ZDHHC6: variants seen among roughly 807,000 people sequenced by gnomAD.
The protein encoded by ZDHHC6 is zDHHC palmitoyltransferase 6.
ZDHHC6 carries 32 observed loss-of-function variants against 57.8 expected under a neutral mutation model. The observed-to-expected ratio is 0.55, with a 90% confidence interval of 0.42 to 0.74. The LOEUF (loss-of-function observed/expected upper bound fraction) is 0.74, where lower values mean the gene tolerates loss of function less well. Ranked by LOEUF, ZDHHC6 falls within the 30% of genes least tolerant of loss-of-function variation. ZDHHC6 has a pLI of 0.00. For missense variants in ZDHHC6, 433 were observed against 500.7 expected, an observed-to-expected ratio of 0.86 and a Z score of 1.29; for synonymous variants, 128 against 158.0, an observed-to-expected ratio of 0.81 and a Z score of 1.42.
chr10:112,426,395 T>A, downstream of ZDHHC6: 1 of 1,573,062 alleles, frequency 6.4e-7, no homozygotes, highest in South Asian at 1.1e-5. Context: ...TGCACACCCA[T>A]GGGCCCATCG....
At position 112,433,276 on chromosome 10, in the gene ZDHHC6, TTCTA is replaced by T. The variant is rs781288541; in HGVS notation, c.905_908del (p.Ile302AsnfsTer3). The stretch of plus-strand genomic sequence containing the variant: ...TCTTATCTGCTTTTTGTTTCAACTG[TTCTA>T]TCTGTTTGGAAGAAATAAAAAGAAA... On this transcript the variant is annotated frameshift_variant and splice_region_variant, in exon 8 of 11. Transcript: ENST00000369405. LOFTEE classifies it high-confidence loss of function. 1.4e-5 allele frequency: 22 copies of T among 1,577,764 alleles called. No individual in the cohort carries two copies. Among genetic ancestry groups the T allele is most frequent in the South Asian group, 4.8e-5 (4 of 84,154 alleles).
rs757796332 is a variant in ZDHHC6, at chr10:112,439,669, A to AAAAAAAAT, written c.681+864_681+865insATTTTTTT. On this transcript the variant is annotated intron_variant, in intron 5 of 10. Coordinates refer to ENST00000369405, the MANE Select transcript of ZDHHC6 (RefSeq NM_022494.3). ...AAAAAAAAAAAAAAAAAAAAAAAAA[A>AAAAAAAAT]GAATGAAAAAGAATGGTTTTTGGTC... is the stretch of plus-strand genomic sequence containing the variant. 1.7e-4 allele frequency among the ~76,000 whole-genome samples: 18 copies of AAAAAAAAT among 108,610 alleles called. 3 individuals are homozygous for AAAAAAAAT. The South Asian group carries it at 1.9e-3, about 11-fold the overall frequency. The allele number at this position is 108,610 out of a possible 152,430, so 71.3% of individuals were successfully genotyped here. A position where few individuals can be genotyped will look rare whatever the true frequency, so the allele number is the denominator to read the frequency against.
At chr10:112,446,974 A>G, upstream of ZDHHC6, 1 of 238,646 alleles carries the variant, frequency 4.2e-6, no homozygotes, top group Non-Finnish European at 8.6e-6. Flanking sequence ...CGCCGCCTCA[A>G]ACCTCCCTCC....
chr10:112,426,523 C>G (rs1844723631), downstream of ZDHHC6: 2 of 635,018 alleles, frequency 3.1e-6, no homozygotes, highest in Non-Finnish European at 5.5e-6. Context: ...ATAAAACTCT[C>G]TTTTCTATTT....
chr10:112,426,691 T>C, downstream of ZDHHC6: 1 of 1,057,952 alleles, frequency 9.5e-7, no homozygotes. Flanking sequence ...CCTGCTTTCA[T>C]ACTGCATGGC....
intron 3 of ZDHHC6, 94 bp from the exon 4 acceptor site, chr10:112,442,445 G>T: frequency 8.2e-7 from 1 of 1,225,548 alleles, no homozygotes; most frequent in African/African-American, 1.5e-5. Context: ...TAGGAATCCA[G>T]CATGTCCATG....
downstream of ZDHHC6, among the ~76,000 whole-genome samples, chr10:112,429,968 G>C (rs186215097): frequency 5.0e-4 from 32 of 63,918 alleles, no homozygotes; most frequent in African/African-American, 9.4e-4. Flanking sequence ...GCAGTTGTTG[G>C]GGGGGGGGTG....
intron 7 of ZDHHC6, 88 bp from the exon 8 acceptor site, chr10:112,433,369 T>C: frequency 1.9e-6 from 2 of 1,057,358 alleles, no homozygotes; most frequent in African/African-American, 1.6e-5. Context: ...CAGAGTGATA[T>C]GGCAAAACCC....
chr10:112,436,581 A>G (rs1439914174), intron 6 of ZDHHC6, among the ~76,000 whole-genome samples: 2 of 152,254 alleles, frequency 1.3e-5, no homozygotes, highest in East Asian at 1.9e-4. Context: ...TTTATAGATC[A>G]CTTTGAGTAT....
At chr10:112,442,441 T>C (rs958826567) in intron 3 of ZDHHC6, 90 bp from the exon 4 acceptor site, 3 of 1,254,400 alleles carry the variant, frequency 2.4e-6, no homozygotes, top group Non-Finnish European at 3.3e-6. Context: ...CAAATAGGAA[T>C]CCAGCATGTC....
At chr10:112,441,679 C>A (rs550817372) in intron 4 of ZDHHC6, among the ~76,000 whole-genome samples, 1 of 152,302 alleles carries the variant, frequency 6.6e-6, no homozygotes, top group East Asian at 1.9e-4. Flanking sequence ...ACTTTCAAGG[C>A]CTGTTTAGGG....
upstream of ZDHHC6, chr10:112,447,269 T>A: frequency 7.9e-7 from 1 of 1,268,064 alleles, no homozygotes; most frequent in African/African-American, 1.5e-5. Flanking sequence ...CGTTCTGCTC[T>A]CGGGGGCACC....
At chr10:112,437,137 G>C (rs1018137258) in intron 6 of ZDHHC6, among the ~76,000 whole-genome samples, 2 of 150,778 alleles carry the variant, frequency 1.3e-5, no homozygotes, top group Admixed American at 6.6e-5. Flanking sequence ...ATGTATACTA[G>C]AATTACAAAA....
chr10:112,429,596 GCTTT>G (rs1179077769), downstream of ZDHHC6, among the ~76,000 whole-genome samples: 2 of 152,154 alleles, frequency 1.3e-5, no homozygotes, highest in Non-Finnish European at 2.9e-5. Flanking sequence ...AGAGAAATAG[GCTTT>G]CTCTTTCCTT....
upstream of ZDHHC6, chr10:112,447,102 T>TG: frequency 8.4e-6 from 4 of 475,682 alleles, no homozygotes; most frequent in Non-Finnish European, 1.6e-5. Flanking sequence ...TACGCTTTTC[T>TG]GGGGGGAGGC....
downstream of ZDHHC6, chr10:112,425,539 G>C: frequency 7.2e-7 from 1 of 1,389,064 alleles, no homozygotes; most frequent in Non-Finnish European, 9.6e-7. Flanking sequence ...GGTTCTTGTA[G>C]CTACAGGAAA....
chr10:112,433,403 C>A, intron 7 of ZDHHC6, 122 bp from the exon 8 acceptor site: 1 of 757,334 alleles, frequency 1.3e-6, no homozygotes, highest in African/African-American at 1.8e-5. Flanking sequence ...TTTCAAGTTG[C>A]TGATAATTTA....
At chr10:112,447,252 G>A, upstream of ZDHHC6, 1 of 1,042,036 alleles carries the variant, frequency 9.6e-7, no homozygotes, top group Admixed American at 2.3e-5. Flanking sequence ...AGCTGTCCCC[G>A]GTTCTCCGTT....
Position 112,442,199 on chromosome 10 carries a change from T to C in ZDHHC6, c.512A>G (p.Tyr171Cys). The change falls in exon 4 of 11, where the codon TAT (tyrosine) becomes TGT (cysteine). Residue 171 changes from tyrosine (Y) to cysteine (C), a missense_variant. Coordinates refer to ENST00000369405, the MANE Select transcript of ZDHHC6 (RefSeq NM_022494.3). The stretch of plus-strand genomic sequence containing the variant: ...ATTTTCATTTTCACTTACCCGATGA[T>C]AAAGCTGTGTGTACATAGTCATCAC... Reference protein sequence around the residue: ...IFVMTMYTQLYHRLSFGWNTV... With the variant: ...IFVMTMYTQLCHRLSFGWNTV... 1.2e-6 allele frequency: 2 copies of C among 1,605,014 alleles called. No homozygotes were observed. Among genetic ancestry groups the C allele is most frequent in the Non-Finnish European group, 1.7e-6 (2 of 1,177,390 alleles).
Sources: gnomAD v4.1 joint callset for allele counts (sites outside exome capture counted in the v4.1 genomes callset) on GRCh38, gnomAD v4.1.1 for gene constraint, MANE v1.5 for transcripts, NCBI Gene and HGNC (gene_info 2026-07-23, HGNC 2026-07-21) for gene names.